The following VAC14 variants were observed in gnomAD, a reference collection of about 807,000 sequenced individuals.
The protein encoded by VAC14 is VAC14 component of PIKFYVE complex, also known as protein VAC14 homolog.
VAC14 carries 47 observed loss-of-function variants against 85.3 expected under a neutral mutation model. The observed-to-expected ratio is 0.55, with a 90% CI of 0.44 to 0.70. The LOEUF is 0.70. Ranked by LOEUF, VAC14 falls within the 30% of genes least tolerant of loss-of-function variation. VAC14 has a pLI of 0.00. For synonymous variants in VAC14, 447 were observed against 430.5 expected, an observed-to-expected ratio of 1.04 and a Z score of -0.47; for missense variants, 861 against 1,004.3, an observed-to-expected ratio of 0.86 and a Z score of 1.93.
chr16:70,700,116 CTGAACGCCAGCCATGGCTCT>C (rs2053794706), intron 14 of VAC14: 1 of 152,254 alleles, frequency 6.6e-6, no homozygotes, highest in African/African-American at 2.4e-5. Context: ...CCAAATGCCC[CTGAACGCCAGCCATGGCTCT>C]GGGGCCAGGC....
At chr16:70,742,228 G>T (rs1246939639) in intron 13 of VAC14, among the ~76,000 whole-genome samples, 1 of 152,110 alleles carries the variant, frequency 6.6e-6, no homozygotes, top group African/African-American at 2.4e-5. Context: ...GGGAGGGAGA[G>T]CCGAGGGTGC....
At chr16:70,714,377 G>C (rs1454919827) in intron 14 of VAC14, 1 of 152,228 alleles carries the variant, frequency 6.6e-6, no homozygotes, top group East Asian at 1.9e-4. Context: ...CTATGCTACT[G>C]GGGGGCCCAG....
At chr16:70,761,251 G>A (rs1315397265) in intron 12 of VAC14, 2 of 451,798 alleles carry the variant, frequency 4.4e-6, no homozygotes, top group African/African-American at 2.0e-5. Context: ...CTCACTCCAT[G>A]GGGACTGGTG....
chr16:70,746,066 A>T (rs2030863817), intron 12 of VAC14, among the ~76,000 whole-genome samples: 1 of 152,202 alleles, frequency 6.6e-6, no homozygotes, highest in Non-Finnish European at 1.5e-5. Flanking sequence ...CTAGAAAACA[A>T]ACAAAAAAGA....
At chr16:70,763,105 C>T in intron 10 of VAC14, 80 bp from the exon 11 acceptor site, 1 of 1,583,208 alleles carries the variant, frequency 6.3e-7, no homozygotes, top group Non-Finnish European at 8.6e-7. Context: ...CCACCCTGGG[C>T]CTGCACATCC....
intron 1 of VAC14, among the ~76,000 whole-genome samples, chr16:70,787,290 C>A (rs557528839): frequency 2.6e-5 from 4 of 152,184 alleles, no homozygotes; most frequent in Non-Finnish European, 5.9e-5. Context: ...TGGGAAAGTG[C>A]AGCAGGGACT....
chr16:70,731,718 C>T (rs1392039290), intron 13 of VAC14, 91 bp from the exon 14 acceptor site: 1 of 1,378,426 alleles, frequency 7.3e-7, no homozygotes, highest in Non-Finnish European at 9.7e-7. Context: ...CTATAAATGC[C>T]AAAAAGATGT....
chr16:70,697,752 A>G (rs192384690), intron 15 of VAC14, among the ~76,000 whole-genome samples: 119 of 152,296 alleles, frequency 7.8e-4, no homozygotes, highest in African/African-American at 2.8e-3. Context: ...CCCCGAGGAA[A>G]ATTCTTAAGG....
rs562571493 is a variant in VAC14, at chr16:70,693,598, G to A, written c.2036-627C>T. On this transcript the variant is annotated intron_variant, in intron 17 of 18. Coordinates refer to ENST00000261776, the MANE Select transcript of VAC14 (RefSeq NM_018052.5). ...CCTGGCGGGGGAAAGAGATGCACCCGGGGGGCTGCCCAGCACTCATTCCAG... is the reference window on the plus strand; with the variant it reads ...CCTGGCGGGGGAAAGAGATGCACCCAGGGGGCTGCCCAGCACTCATTCCAG... Among the ~76,000 whole-genome samples the A allele has an allele frequency of 3.3e-5, 5 of 152,270 alleles. No homozygotes were observed. In the South Asian group the frequency reaches 8.3e-4, roughly 25 times the overall value.
At position 70,785,861 on chromosome 16, in the gene VAC14, C is replaced by A. The variant is rs2034030041; in HGVS notation, c.264G>T (p.Gly88=). ...GCTCGATCAGCTCCTTCAGGTAGAG[C>A]CCTGAGTCCTGCAAGGAGGCAGGAG... The part of the protein sequence containing the change: ...ACSIALGKDS[G]LYLKELIEPV... The change falls in exon 3 of 19, where the codon GGG becomes GGT. Residue 88 remains glycine, a synonymous_variant. Transcript: ENST00000261776. 2.5e-6 allele frequency: 4 copies of A among 1,603,954 alleles called. No homozygotes were observed. Among genetic ancestry groups the A allele is most frequent in the Non-Finnish European group, 3.4e-6 (4 of 1,174,612 alleles).
chr16:70,773,819 T>C (rs921952190), intron 9 of VAC14, among the ~76,000 whole-genome samples: 1 of 151,996 alleles, frequency 6.6e-6, no homozygotes, highest in Non-Finnish European at 1.5e-5. Flanking sequence ...GGCTGGAGTG[T>C]AGTGGCACAA....
At chr16:70,752,117 T>C (rs967052081) in intron 12 of VAC14, among the ~76,000 whole-genome samples, 2 of 152,150 alleles carry the variant, frequency 1.3e-5, no homozygotes, top group African/African-American at 4.8e-5. Flanking sequence ...TTGCGTGACT[T>C]TGAACACAAA....
chr16:70,780,880 C>T lies in VAC14; in HGVS notation c.1006G>A (p.Asp336Asn). 1.2e-6 allele frequency: 2 copies of T among 1,614,204 alleles called. No individual in the cohort carries two copies. Among genetic ancestry groups the T allele is most frequent in the Non-Finnish European group, 1.7e-6 (2 of 1,180,028 alleles). The stretch of plus-strand genomic sequence containing the variant: ...GGTCTCAGCTCATCCAGCTCGTCGT[C>T]CTCGGGGGTGACCAGCTTCATCAGG... Reference protein sequence around the residue: ...QSLMKLVTPEDDELDELRPGQ... With the variant: ...QSLMKLVTPENDELDELRPGQ... The change falls in exon 9 of 19, where the codon GAC becomes AAC. Residue 336 changes from aspartate (D) to asparagine (N), a missense_variant. Around this residue, in one of 3 missense-constraint regions of VAC14, gnomAD observed 629 missense variants for 703.1 expected, o/e 0.89. Transcript: ENST00000261776.
intron 10 of VAC14, among the ~76,000 whole-genome samples, chr16:70,764,045 C>T (rs1304207927): frequency 2.6e-5 from 4 of 152,218 alleles, no homozygotes; most frequent in East Asian, 3.9e-4. Context: ...AGTCCCCTGC[C>T]GGTATAAAAC....
At chr16:70,771,300 C>G (rs936199098) in intron 10 of VAC14, 1 of 152,168 alleles carries the variant, frequency 6.6e-6, no homozygotes, top group Non-Finnish European at 1.5e-5. Context: ...CTGACCTGGG[C>G]GCACAGGAGA....
intron 14 of VAC14, among the ~76,000 whole-genome samples, chr16:70,725,362 C>T (rs1348176354): frequency 2.0e-5 from 3 of 152,226 alleles, no homozygotes; most frequent in Non-Finnish European, 2.9e-5. Flanking sequence ...CAGCCAAGGG[C>T]CCTGTCCACA....
intron 14 of VAC14, among the ~76,000 whole-genome samples, chr16:70,707,656 G>A (rs911308859): frequency 6.6e-6 from 1 of 152,176 alleles, no homozygotes; most frequent in Admixed American, 6.5e-5. Context: ...TTTGGGGCTT[G>A]CTCTAGAGAG....
chr16:70,746,080 G>A (rs1036502631), intron 12 of VAC14, among the ~76,000 whole-genome samples: 3 of 152,174 alleles, frequency 2.0e-5, no homozygotes, highest in Non-Finnish European at 4.4e-5. Context: ...AAAAAGATAA[G>A]GCCTACCCCC....
chr16:70,721,442 G>C (rs1010077860), intron 14 of VAC14, among the ~76,000 whole-genome samples: 1 of 152,096 alleles, frequency 6.6e-6, no homozygotes, highest in Non-Finnish European at 1.5e-5. Flanking sequence ...AAGACGAGGG[G>C]GAGGAAGGAA....
Sources: allele counts gnomAD v4.1 joint callset (sites outside exome capture counted in the v4.1 genomes callset), GRCh38; gene constraint gnomAD v4.1.1; regional missense constraint gnomAD v4.1.1; transcripts MANE v1.5; gene names NCBI Gene and HGNC (gene_info 2026-07-23, HGNC 2026-07-21).